The following TRABD2B variants were observed in gnomAD, a reference collection of about 807,000 sequenced individuals.
TRABD2B encodes the protein TraB domain containing 2B.
In TRABD2B, 14 loss-of-function variants were observed where a neutral mutation model predicts 40.1. The observed-to-expected ratio is 0.35, with a 90% CI of 0.23 to 0.55. TRABD2B has a LOEUF of 0.55. Among genes scored for constraint, TRABD2B ranks in the 20% least tolerant of loss-of-function variants. The pLI is 0.90. For missense variants in TRABD2B, 541 were observed against 648.6 expected (o/e 0.83, Z 1.80); for synonymous variants, 263 against 277.0 (o/e 0.95, Z 0.50).
In TRABD2B at chr1:47,813,634, C is replaced by T. The variant is rs558465605; in HGVS notation, c.667-12015G>A. Among the ~76,000 whole-genome samples, 3 of 152,276 alleles carry T rather than the reference C, an allele frequency of 2.0e-5. No homozygotes were observed. The East Asian group carries it at 5.8e-4, about 29-fold the overall frequency. On this transcript the variant is annotated intron_variant, in intron 2 of 6. Coordinates refer to ENST00000606738, the MANE Select transcript of TRABD2B (RefSeq NM_001194986.2). The surrounding 1 kb of genome is among the most constrained non-coding windows in gnomAD (Gnocchi z 4.3). Reference sequence around the variant, plus strand: ...GTGGGGTGTATATTTGTCCTGCCTGCTTGAGACTAGCATTCTAAAAACCTT... The same window carrying T: ...GTGGGGTGTATATTTGTCCTGCCTGTTTGAGACTAGCATTCTAAAAACCTT...
intron 2 of TRABD2B, among the ~76,000 whole-genome samples, chr1:47,846,976 G>A (rs1645480952): frequency 1.3e-5 from 2 of 152,086 alleles, no homozygotes; most frequent in African/African-American, 4.8e-5. Flanking sequence ...GGAGTGTCCA[G>A]ATCAAAGGAT....
chr1:47,950,670 A>C (rs1190907285), intron 2 of TRABD2B, among the ~76,000 whole-genome samples: 1 of 152,204 alleles, frequency 6.6e-6, no homozygotes, highest in South Asian at 2.1e-4. Context: ...CAAGCAAACA[A>C]GGAATGCTGA....
intron 2 of TRABD2B, among the ~76,000 whole-genome samples, chr1:47,843,394 C>A (rs548555772): frequency 6.6e-6 from 1 of 152,290 alleles, no homozygotes; most frequent in East Asian, 1.9e-4. Flanking sequence ...TGCTGACCAA[C>A]TGGACGTAGG....
At chr1:47,843,755 T>C (rs1481443527) in intron 2 of TRABD2B, among the ~76,000 whole-genome samples, 1 of 152,010 alleles carries the variant, frequency 6.6e-6, no homozygotes, top group East Asian at 1.9e-4. Flanking sequence ...TAAGAACTGT[T>C]TTAAGAAGTT....
chr1:47,930,224 C>G (rs1645021839), intron 2 of TRABD2B, among the ~76,000 whole-genome samples: 1 of 152,192 alleles, frequency 6.6e-6, no homozygotes, highest in South Asian at 2.1e-4. Context: ...ATAGGAGATG[C>G]CAGAGAAGAG....
Position 47,778,426 on chromosome 1 carries a change from G to A in TRABD2B, c.1079+28C>T, listed in dbSNP as rs76234377. The A allele has an allele frequency of 1.9e-5, 28 of 1,508,928 alleles. No homozygotes were observed. In the South Asian group the frequency reaches 3.1e-4, roughly 17 times the overall value. 93.5% of individuals were successfully genotyped at this position (1,508,928 alleles called of 1,614,324 possible). ...TGGGCAGGAAGGCAGGGTCAGTGAG[G>A]GCCAAGGCACACCCAGATGTGGCTT... On this transcript the variant is annotated intron_variant, in intron 5 of 6. Transcript: ENST00000606738.
chr1:47,891,450 C>T (rs998756342), intron 2 of TRABD2B, among the ~76,000 whole-genome samples: 8 of 152,002 alleles, frequency 5.3e-5, no homozygotes, highest in African/African-American at 9.7e-5. Context: ...ATATGAGCCA[C>T]GGGACTACCT....
chr1:47,951,126 G>A (rs150151146), intron 2 of TRABD2B, among the ~76,000 whole-genome samples: 331 of 152,288 alleles, frequency 2.2e-3, no homozygotes, highest in African/African-American at 7.8e-3. Flanking sequence ...GACTTCAGGC[G>A]TCGACTCTCC....
At chr1:47,788,945 G>A (rs982558245) in intron 4 of TRABD2B, among the ~76,000 whole-genome samples, 5 of 152,182 alleles carry the variant, frequency 3.3e-5, no homozygotes, top group Middle Eastern at 3.2e-3. Flanking sequence ...CTGGATGGCT[G>A]AACAAGTAAA....
At chr1:47,950,923 G>A (rs1184354789) in intron 2 of TRABD2B, among the ~76,000 whole-genome samples, 1 of 152,214 alleles carries the variant, frequency 6.6e-6, no homozygotes, top group East Asian at 1.9e-4. Flanking sequence ...GCTCACCTGG[G>A]ACCTGAACCC....
intron 2 of TRABD2B, among the ~76,000 whole-genome samples, chr1:47,848,530 C>T (rs747401594): frequency 2.6e-5 from 4 of 152,314 alleles, no homozygotes; most frequent in East Asian, 1.9e-4. Context: ...TAAAAGCAAA[C>T]GTGGCTTCCA....
chr1:47,858,239 T>C (rs61773015), intron 2 of TRABD2B, among the ~76,000 whole-genome samples: 34 of 69,294 alleles, frequency 4.9e-4, no homozygotes, highest in Middle Eastern at 7.4e-3. Context: ...TTTTATTTTA[T>C]TTTATTTTAT....
chr1:47,784,543 T>C (rs1644569131), intron 4 of TRABD2B, among the ~76,000 whole-genome samples: 1 of 152,222 alleles, frequency 6.6e-6, no homozygotes, highest in African/African-American at 2.4e-5. Context: ...TTTCTCCTCC[T>C]GGAAGAGGCA....
chr1:47,903,307 G>T (rs1644628137), intron 2 of TRABD2B, among the ~76,000 whole-genome samples: 1 of 152,138 alleles, frequency 6.6e-6, no homozygotes, highest in Admixed American at 6.5e-5. Flanking sequence ...ACACCCCTCT[G>T]CCTAGGGGCT....
intron 6 of TRABD2B, among the ~76,000 whole-genome samples, chr1:47,773,406 T>TA (rs1365941059): frequency 6.6e-6 from 1 of 152,252 alleles, no homozygotes; most frequent in Non-Finnish European, 1.5e-5. Context: ...GGCAGGGTGA[T>TA]ATGGTTAGGC....
chr1:47,895,453 C>A (rs1644504388), intron 2 of TRABD2B, among the ~76,000 whole-genome samples: 1 of 151,552 alleles, frequency 6.6e-6, no homozygotes, highest in Non-Finnish European at 1.5e-5. Context: ...AGCCTGGACC[C>A]CACTGCCCCC....
intron 2 of TRABD2B, among the ~76,000 whole-genome samples, chr1:47,891,507 T>G (rs970215325): frequency 6.6e-6 from 1 of 152,096 alleles, no homozygotes; most frequent in Non-Finnish European, 1.5e-5. Flanking sequence ...TTTTGTGTGT[T>G]CAATAAGAGC....
At chr1:47,945,218 T>C (rs1294745199) in intron 2 of TRABD2B, among the ~76,000 whole-genome samples, 1 of 152,110 alleles carries the variant, frequency 6.6e-6, no homozygotes, top group African/African-American at 2.4e-5. Flanking sequence ...AGGGAAGCAA[T>C]GTTGCCATGT....
At chr1:47,911,361 C>G (rs1377931189) in intron 2 of TRABD2B, among the ~76,000 whole-genome samples, 1 of 152,204 alleles carries the variant, frequency 6.6e-6, no homozygotes, top group Non-Finnish European at 1.5e-5. Context: ...TCAGAAACTA[C>G]TGGTGCAAGT....
Sources: allele counts gnomAD v4.1 joint callset (sites outside exome capture counted in the v4.1 genomes callset), GRCh38; gene constraint gnomAD v4.1.1; non-coding constraint Gnocchi (gnomAD v3.1); transcripts MANE v1.5; gene names NCBI Gene and HGNC (gene_info 2026-07-23, HGNC 2026-07-21).